LRTM3: variants seen among roughly 807,000 people sequenced by gnomAD.
LRTM3 encodes the protein leucine-rich repeat transmembrane protein 3.
At chr13:102,743,831 T>C in the LRTM3 span, 5 of 1,550,528 alleles carry the variant, frequency 3.2e-6, no homozygotes, top group Non-Finnish European at 4.4e-6. Flanking sequence ...GAATATAATT[T>C]CTTTTTCTGA....
At chr13:102,746,423 T>C in the LRTM3 span, 1 of 1,551,164 alleles carries the variant, frequency 6.4e-7, no homozygotes, top group Non-Finnish European at 8.7e-7. Flanking sequence ...GAGACAGAAC[T>C]CTCTCTGCAA....
At chr13:102,742,328 G>A in the LRTM3 span, 1 of 1,549,006 alleles carries the variant, frequency 6.5e-7, no homozygotes, top group Non-Finnish European at 8.7e-7. Flanking sequence ...TGCTGTCTTT[G>A]CCTTATCTTT....
At chr13:102,748,819 C>T in the LRTM3 span, 1 of 1,550,546 alleles carries the variant, frequency 6.4e-7, no homozygotes, top group Non-Finnish European at 8.7e-7. Context: ...ATTGTTCTAG[C>T]TGAGGTAACA....
chr13:102,737,138 G>T, the LRTM3 span: 2 of 1,550,910 alleles, frequency 1.3e-6, no homozygotes, highest in African/African-American at 2.7e-5. Flanking sequence ...CTCAAAAATT[G>T]TGCCTTCAGG....
chr13:102,739,940 A>G, the LRTM3 span: 4 of 1,550,402 alleles, frequency 2.6e-6, no homozygotes, highest in South Asian at 4.8e-5. Flanking sequence ...GGTATTGAGT[A>G]TATGTGAAAA....
the LRTM3 span, chr13:102,737,592 G>A: frequency 1.3e-6 from 2 of 1,550,534 alleles, no homozygotes; most frequent in Non-Finnish European, 1.7e-6. Flanking sequence ...TTCAGTGGTA[G>A]GTTCTGTGAA....
the LRTM3 span, chr13:102,729,565 TC>T: frequency 6.6e-7 from 1 of 1,522,254 alleles, no homozygotes. Flanking sequence ...TTCTGAAGTT[TC>T]TTTTCCTTAA....
At chr13:102,737,883 G>A in the LRTM3 span, 2 of 1,550,562 alleles carry the variant, frequency 1.3e-6, no homozygotes, top group Non-Finnish European at 8.7e-7. Context: ...GAATTGGAAG[G>A]CAAATATAGG....
At chr13:102,745,663 A>G in the LRTM3 span, 4 of 1,550,942 alleles carry the variant, frequency 2.6e-6, no homozygotes, top group Non-Finnish European at 3.5e-6. Context: ...GCATGCAGGA[A>G]CCAAAAATCG....
At chr13:102,744,840 G>A in the LRTM3 span, 1 of 1,549,992 alleles carries the variant, frequency 6.5e-7, no homozygotes, top group African/African-American at 1.4e-5. Flanking sequence ...GGTGATTTCT[G>A]TAACTCCAGG....
chr13:102,753,494 T>TAAAAAAAAAAAAAGAAAAAA, the LRTM3 span, among the ~76,000 whole-genome samples: 1 of 124,440 alleles, frequency 8.0e-6, no homozygotes. Flanking sequence ...AAAGTAAAAT[T>TAAAAAAAAAAAAAGAAAAAA]AAAAAAAAAA....
chr13:102,736,472 G>T, the LRTM3 span: 1 of 1,551,060 alleles, frequency 6.4e-7, no homozygotes, highest in Non-Finnish European at 8.7e-7. Flanking sequence ...GCTCTCTGTT[G>T]GCTTTGTAGG....
chr13:102,733,052 A>T, the LRTM3 span: 2 of 1,551,394 alleles, frequency 1.3e-6, no homozygotes, highest in Non-Finnish European at 1.7e-6. Context: ...TCCTGGTAGC[A>T]TCTGTAGGCT....
At chr13:102,746,107 T>C in the LRTM3 span, 1 of 1,551,164 alleles carries the variant, frequency 6.4e-7, no homozygotes, top group Admixed American at 2.0e-5. Flanking sequence ...AAGGACCCAT[T>C]TGGAGACTAG....
chr13:102,746,256 G>A, the LRTM3 span: 5 of 1,550,944 alleles, frequency 3.2e-6, no homozygotes, highest in Admixed American at 9.8e-5. Flanking sequence ...GACCCCAGGT[G>A]CTGGCTCAGC....
At chr13:102,738,999 G>A in the LRTM3 span, 2 of 1,550,194 alleles carry the variant, frequency 1.3e-6, no homozygotes, top group Non-Finnish European at 8.7e-7. Context: ...TCAATTGGCT[G>A]CTCACATTTT....
At chr13:102,748,028 T>A in the LRTM3 span, 1 of 1,551,140 alleles carries the variant, frequency 6.4e-7, no homozygotes, top group Non-Finnish European at 8.7e-7. Flanking sequence ...TTCTGCGTTC[T>A]GTGTTTCCTT....
the LRTM3 span, chr13:102,745,117 A>G: frequency 6.4e-7 from 1 of 1,550,656 alleles, no homozygotes; most frequent in East Asian, 2.4e-5. Flanking sequence ...CTTGTTTGGT[A>G]ACAAACAGAA....
the LRTM3 span, chr13:102,737,189 A>G: frequency 1.9e-6 from 3 of 1,550,912 alleles, no homozygotes; most frequent in South Asian, 3.6e-5. Flanking sequence ...TCCTCTATCT[A>G]CTTCTTTCTG....
Sources: gnomAD v4.1 joint callset for allele counts (sites outside exome capture counted in the v4.1 genomes callset) on GRCh38, gnomAD v4.1.1 for gene constraint, MANE v1.5 for transcripts, NCBI Gene and HGNC (gene_info 2026-07-23, HGNC 2026-07-21) for gene names.